The following CSMD1 variants were observed in gnomAD, a reference collection of about 807,000 sequenced individuals.
The protein encoded by CSMD1 is CUB and Sushi multiple domains 1.
A neutral mutation model predicts 417.5 loss-of-function variants in CSMD1; 213 were observed. The ratio of observed to expected loss-of-function variants is 0.51; its 90% CI spans 0.46 to 0.57. The LOEUF is 0.57. Ranked by LOEUF, CSMD1 falls within the 20% of genes least tolerant of loss-of-function variation. The pLI is 0.00. For synonymous variants in CSMD1, 2,862 were observed against 1,736.8 expected (o/e 1.65, Z -16.11); for missense variants, 6,923 against 4,529.7 (o/e 1.53, Z -15.17).
chr8:4,692,979 A>T (rs1349106883), intron 1 of CSMD1, among the ~76,000 whole-genome samples: 1 of 152,150 alleles, frequency 6.6e-6, no homozygotes, highest in East Asian at 1.9e-4. Context: ...TATTTCTGCC[A>T]TGGTTCCTGG....
At chr8:3,384,146 G>C (rs1299647012) in intron 18 of CSMD1, among the ~76,000 whole-genome samples, 1 of 151,942 alleles carries the variant, frequency 6.6e-6, no homozygotes, top group African/African-American at 2.4e-5. Context: ...GTTTACTCTG[G>C]GAAATGCATT....
Position 2,955,721 on chromosome 8 carries a change from C to T in CSMD1, c.9862G>A (p.Ala3288Thr). 2 of 1,613,942 alleles carry T rather than the reference C, an allele frequency of 1.2e-6. No homozygotes were observed. Among genetic ancestry groups the T allele is most frequent in the Non-Finnish European group, 1.7e-6 (2 of 1,179,826 alleles). ...PETPAHADVR[A>T]IDLPTFGYTL... ...TAGCCGAAAGTAGGAAGATCGATGG[C>T]TCTCACATCCGCGTGTGCCGGGGTT... The change falls in exon 64 of 70, where the codon GCC becomes ACC. Residue 3288 changes from alanine to threonine, a missense_variant. Physicochemically the swap from Ala to Thr is moderately conservative, Grantham distance 58. Transcript: ENST00000635120.
intron 5 of CSMD1, among the ~76,000 whole-genome samples, chr8:3,880,025 G>A (rs751592682): frequency 6.6e-6 from 1 of 151,752 alleles, no homozygotes; most frequent in Non-Finnish European, 1.5e-5. Flanking sequence ...ACTAATGTAA[G>A]TATAAAATCC....
At chr8:3,391,720 G>A (rs1811361205) in intron 17 of CSMD1, among the ~76,000 whole-genome samples, 1 of 152,168 alleles carries the variant, frequency 6.6e-6, no homozygotes, top group Non-Finnish European at 1.5e-5. Flanking sequence ...AGCTCACATT[G>A]CCTTGTAGCA....
At chr8:3,769,709 T>C (rs1408458070) in intron 5 of CSMD1, among the ~76,000 whole-genome samples, 2 of 152,172 alleles carry the variant, frequency 1.3e-5, no homozygotes, top group Non-Finnish European at 1.5e-5. Context: ...AACTATTCCA[T>C]TGAGTGAACA....
At chr8:4,943,124 T>G (rs1306258105) in intron 1 of CSMD1, among the ~76,000 whole-genome samples, 1 of 152,154 alleles carries the variant, frequency 6.6e-6, no homozygotes, top group Admixed American at 6.5e-5. Context: ...AAGGAATTAG[T>G]GGAGGATTAA....
intron 5 of CSMD1, among the ~76,000 whole-genome samples, chr8:3,768,629 T>C (rs1267157094): frequency 6.6e-6 from 1 of 152,200 alleles, no homozygotes; most frequent in African/African-American, 2.4e-5. Flanking sequence ...ATTGACCATA[T>C]TTTATTTTCA....
intron 3 of CSMD1, among the ~76,000 whole-genome samples, chr8:4,074,019 C>T (rs2130788592): frequency 6.6e-6 from 1 of 152,058 alleles, no homozygotes; most frequent in East Asian, 1.9e-4. Context: ...AAGAAAAATG[C>T]ATTTATTGCT....
chr8:3,764,442 G>A (rs1798163002), intron 5 of CSMD1, among the ~76,000 whole-genome samples: 1 of 152,100 alleles, frequency 6.6e-6, no homozygotes, highest in Non-Finnish European at 1.5e-5. Flanking sequence ...ACCTTACTGG[G>A]CCCTGAAGAC....
At chr8:3,967,752 C>T (rs965879897) in intron 5 of CSMD1, among the ~76,000 whole-genome samples, 6 of 152,090 alleles carry the variant, frequency 3.9e-5, no homozygotes, top group Non-Finnish European at 7.4e-5. Flanking sequence ...AAGAAAGAAC[C>T]TAATTTAATA....
intron 3 of CSMD1, among the ~76,000 whole-genome samples, chr8:4,157,618 AGAGTT>A (rs1451587831): frequency 6.6e-6 from 1 of 152,172 alleles, no homozygotes; most frequent in Non-Finnish European, 1.5e-5. Flanking sequence ...TCTTTCACGC[AGAGTT>A]GATTTTCAGA....
At chr8:4,139,039 C>G (rs73176389) in intron 3 of CSMD1, among the ~76,000 whole-genome samples, 44,952 of 151,908 alleles carry the variant, frequency 0.3, 8,069 homozygotes, top group Non-Finnish European at 0.39. Context: ...GTTTCAGCAC[C>G]TGAGACAGAC....
intron 12 of CSMD1, among the ~76,000 whole-genome samples, chr8:3,413,244 A>C (rs1812927909): frequency 6.6e-6 from 1 of 150,840 alleles, no homozygotes; most frequent in Non-Finnish European, 1.5e-5. Flanking sequence ...CTTAGAGTAA[A>C]ATAAATTATG....
intron 26 of CSMD1, among the ~76,000 whole-genome samples, chr8:3,241,234 A>T (rs1475141774): frequency 2.6e-5 from 4 of 151,100 alleles, no homozygotes; most frequent in Non-Finnish European, 4.4e-5. Context: ...GGAGTGCTTA[A>T]AAGAGTATTG....
chr8:4,121,156 C>G (rs1242654556), intron 3 of CSMD1, among the ~76,000 whole-genome samples: 1 of 151,848 alleles, frequency 6.6e-6, no homozygotes, highest in African/African-American at 2.4e-5. Flanking sequence ...ACTCTGTTGT[C>G]CAGGCTGGAG....
At chr8:3,145,754 C>T (rs1349546666) in intron 40 of CSMD1, among the ~76,000 whole-genome samples, 1 of 152,160 alleles carries the variant, frequency 6.6e-6, no homozygotes. Context: ...CCTGGTTATC[C>T]TTCTATTGTC....
chr8:4,564,019 G>A (rs1281801097), intron 2 of CSMD1, among the ~76,000 whole-genome samples: 1 of 152,186 alleles, frequency 6.6e-6, no homozygotes, highest in Non-Finnish European at 1.5e-5. Flanking sequence ...CGCCCATGGA[G>A]TTGCAACTCA....
intron 3 of CSMD1, among the ~76,000 whole-genome samples, chr8:4,407,724 C>G (rs1451794846): frequency 1.3e-5 from 2 of 152,048 alleles, no homozygotes; most frequent in African/African-American, 4.8e-5. Flanking sequence ...GTAGTTTTTC[C>G]ATGATTCATG....
At chr8:4,275,756 A>G (rs1019347715) in intron 3 of CSMD1, among the ~76,000 whole-genome samples, 2 of 152,218 alleles carry the variant, frequency 1.3e-5, no homozygotes, top group African/African-American at 4.8e-5. Context: ...TGTGCAAAAC[A>G]CTTTAGTCAC....
Sources: gnomAD v4.1 joint callset for allele counts (sites outside exome capture counted in the v4.1 genomes callset) on GRCh38, gnomAD v4.1.1 for gene constraint, MANE v1.5 for transcripts, NCBI Gene and HGNC (gene_info 2026-07-23, HGNC 2026-07-21) for gene names.